Variants in TMEM260 observed in about 807,000 individuals in gnomAD.
TMEM260 encodes the protein protein O-mannosyl-transferase TMEM260.
TMEM260 carries 82 observed loss-of-function variants against 88.9 expected under a neutral mutation model. The ratio of observed to expected loss-of-function variants is 0.92; its 90% confidence interval spans 0.77 to 1.11. The LOEUF is 1.11. Among genes scored for constraint, TMEM260 ranks in the 50% least tolerant of loss-of-function variants. The pLI, the probability that TMEM260 is intolerant of heterozygous loss-of-function variation, is 0.00. For synonymous variants in TMEM260, 314 were observed against 309.3 expected, an observed-to-expected ratio of 1.02 and a Z score of -0.16; for missense variants, 902 against 853.4, an observed-to-expected ratio of 1.06 and a Z score of -0.71.
intron 3 of TMEM260, among the ~76,000 whole-genome samples, chr14:56,593,982 CG>C (rs1191321206): frequency 6.6e-6 from 1 of 151,952 alleles, no homozygotes; most frequent in East Asian, 1.9e-4. Context: ...CCACCGCGCC[CG>C]GCCGTGAGTG....
At chr14:56,631,698 T>A (rs1020782889) in intron 12 of TMEM260, among the ~76,000 whole-genome samples, 6 of 152,068 alleles carry the variant, frequency 3.9e-5, no homozygotes, top group African/African-American at 1.4e-4. Flanking sequence ...ATTCCCTCAC[T>A]GGTGGTTTGG....
chr14:56,586,655 C>G (rs572933094), intron 3 of TMEM260, among the ~76,000 whole-genome samples: 1 of 152,202 alleles, frequency 6.6e-6, no homozygotes, highest in African/African-American at 2.4e-5. Context: ...AATTAAAACA[C>G]TTCTTCTAAA....
intron 7 of TMEM260, chr14:56,613,628 C>T (rs1052070833): frequency 6.6e-6 from 1 of 152,082 alleles, no homozygotes; most frequent in Non-Finnish European, 1.5e-5. Context: ...GAAATACCTC[C>T]TTGCCATCAG....
At chr14:56,586,830 A>G (rs1385580419) in intron 3 of TMEM260, among the ~76,000 whole-genome samples, 1 of 152,014 alleles carries the variant, frequency 6.6e-6, no homozygotes, top group Non-Finnish European at 1.5e-5. Context: ...TTATTTATAG[A>G]AAGATAAGAG....
chr14:56,583,021 A>G (rs1053893668), intron 1 of TMEM260, among the ~76,000 whole-genome samples: 2 of 152,172 alleles, frequency 1.3e-5, no homozygotes, highest in Non-Finnish European at 2.9e-5. Flanking sequence ...AAAACAGCCT[A>G]TTTTTCTTAA....
At chr14:56,656,829 G>C in the TMEM260 span, among the ~76,000 whole-genome samples, 10 of 152,022 alleles carry the variant, frequency 6.6e-5, no homozygotes, top group Non-Finnish European at 1.0e-4. Context: ...GCACTAAGCA[G>C]TTGAAGAAAT....
At chr14:56,643,025 C>G (rs1467489034) in intron 15 of TMEM260, among the ~76,000 whole-genome samples, 1 of 152,152 alleles carries the variant, frequency 6.6e-6, no homozygotes, top group Non-Finnish European at 1.5e-5. Flanking sequence ...TAATTAATAG[C>G]TTACCAACCA....
Position 56,600,190 on chromosome 14 carries a change from C to T in TMEM260, c.345-3625C>T, listed in dbSNP as rs17091769. Among the ~76,000 whole-genome samples the T allele has an allele frequency of 8.4e-3, 1,284 of 152,220 alleles. 33 individuals are homozygous for T. The highest frequency in any genetic ancestry group is 0.084 in the East Asian group (436 of 5,182). On this transcript the variant is annotated intron_variant, in intron 3 of 15. Coordinates refer to ENST00000261556, the MANE Select transcript of TMEM260 (RefSeq NM_017799.4). ...ATTGTACGAAAACATGAATACTGGG[C>T]CCTCCAAAACATTTCATATTCCGTA...
downstream of TMEM260, among the ~76,000 whole-genome samples, chr14:56,649,913 C>T (rs141589659): frequency 6.0e-3 from 915 of 152,250 alleles, 5 homozygotes; most frequent in Middle Eastern, 0.02. Flanking sequence ...ATTTAAGTTT[C>T]TAAAAACCAC....
intron 11 of TMEM260, among the ~76,000 whole-genome samples, chr14:56,624,559 A>G (rs1327153029): frequency 6.6e-6 from 1 of 152,166 alleles, no homozygotes; most frequent in Non-Finnish European, 1.5e-5. Context: ...ACAGAGTGAG[A>G]CTGTCTCAAA....
chr14:56,655,919 T>C, the TMEM260 span, among the ~76,000 whole-genome samples: 3 of 152,240 alleles, frequency 2.0e-5, no homozygotes, highest in Non-Finnish European at 2.9e-5. Context: ...GGGACAACTC[T>C]AGTTCATATT....
Position 56,648,592 on chromosome 14 carries a change from G to C in TMEM260, c.*1095G>C, listed in dbSNP as rs1890106535. On this transcript the variant is annotated 3_prime_UTR_variant, in exon 16 of 16. Coordinates refer to ENST00000261556, the MANE Select transcript of TMEM260 (RefSeq NM_017799.4). ...GTCTGCATTCAAAGATCACTGGTGA[G>C]TCATTCAGCAAGAAAAGGCCCCTTA... is the stretch of plus-strand genomic sequence containing the variant. 6.6e-6 allele frequency: 1 copy of C among 152,642 alleles called. No individual in the cohort carries two copies. The highest frequency in any genetic ancestry group is 6.5e-5 in the Admixed American group (1 of 15,274). 9.5% of individuals were successfully genotyped at this position (152,642 alleles called of 1,614,324 possible).
At position 56,633,313 on chromosome 14, in the gene TMEM260, A is replaced by G. The variant is rs975633048; in HGVS notation, c.1724+142A>G. On this transcript the variant is annotated intron_variant, in intron 13 of 15. Coordinates refer to ENST00000261556, the MANE Select transcript of TMEM260 (RefSeq NM_017799.4). The stretch of plus-strand genomic sequence containing the variant: ...TACTTGCTACCCACAAAATACCATA[A>G]AACAACAGAAAGAGAACATGTCCTT... The G allele has an allele frequency of 1.6e-5, 10 of 613,904 alleles. No individual in the cohort carries two copies. The South Asian group carries it at 2.3e-4, about 14-fold the overall frequency. The allele number at this position is 613,904 out of a possible 1,614,324, so 38.0% of individuals were successfully genotyped here. A position where few individuals can be genotyped will look rare whatever the true frequency, so the allele number is the denominator to read the frequency against.
intron 12 of TMEM260, among the ~76,000 whole-genome samples, chr14:56,631,905 ACTGT>A (rs1403973689): frequency 1.3e-5 from 2 of 152,104 alleles, no homozygotes; most frequent in Non-Finnish European, 2.9e-5. Flanking sequence ...CAGTGTGACA[ACTGT>A]CTGACCATCA....
At chr14:56,616,866 TTTA>T (rs1240417299) in intron 8 of TMEM260, among the ~76,000 whole-genome samples, 1 of 152,154 alleles carries the variant, frequency 6.6e-6, no homozygotes, top group African/African-American at 2.4e-5. Flanking sequence ...TTCTTAAATC[TTTA>T]TTATTTCAAG....
At chr14:56,619,660 G>A (rs1324817411) in intron 10 of TMEM260, among the ~76,000 whole-genome samples, 1 of 151,870 alleles carries the variant, frequency 6.6e-6, no homozygotes, top group Non-Finnish European at 1.5e-5. Context: ...GGAAATGGAA[G>A]AGAGTCCCTT....
chr14:56,604,636 A>G (rs960335159), intron 4 of TMEM260, among the ~76,000 whole-genome samples: 1 of 152,198 alleles, frequency 6.6e-6, no homozygotes, highest in African/African-American at 2.4e-5. Context: ...CTGTGATGCT[A>G]TTAGAGGGGG....
rs771995331 is a variant in TMEM260 at position 56,605,687 on chromosome 14, C to A, written c.636+4C>A. 19 of 1,502,462 alleles carry A rather than the reference C, an allele frequency of 1.3e-5. No individual in the cohort carries two copies. The highest frequency in any genetic ancestry group is 2.3e-5 in the East Asian group (1 of 43,050). The allele number at this position is 1,502,462 out of a possible 1,614,324, so 93.1% of individuals were successfully genotyped here. ...CTTTCAACTTTTAAAAAAGAAGGTA[C>A]GTTTTTGAATTTTGTAAAAAAAAGT... is the stretch of plus-strand genomic sequence containing the variant. On this transcript the variant is annotated splice_donor_region_variant and intron_variant, in intron 5 of 15. Transcript: ENST00000261556.
chr14:56,596,794 A>AAAAAT (rs59623466), intron 3 of TMEM260, among the ~76,000 whole-genome samples: 3,185 of 136,230 alleles, frequency 0.023, 72 homozygotes, highest in African/African-American at 0.061. Flanking sequence ...TAAAAAAAAA[A>AAAAAT]ATATATATAT....
Sources: gnomAD v4.1 joint callset for allele counts (sites outside exome capture counted in the v4.1 genomes callset) on GRCh38, gnomAD v4.1.1 for gene constraint, MANE v1.5 for transcripts, NCBI Gene and HGNC (gene_info 2026-07-23, HGNC 2026-07-21) for gene names.